Variants in APLP2 observed in about 807,000 individuals in gnomAD.
APLP2 encodes amyloid beta precursor like protein 2.
A neutral mutation model predicts 89.9 loss-of-function variants in APLP2; 53 were observed. That is an observed-to-expected ratio of 0.59 (90% CI 0.47 to 0.74). APLP2 has a LOEUF of 0.74. Ranked by LOEUF, APLP2 falls within the 30% of genes least tolerant of loss-of-function variation. The pLI, the probability that APLP2 is intolerant of heterozygous loss-of-function variation, is 0.00. For synonymous variants in APLP2, 372 were observed against 348.6 expected (o/e 1.07, Z -0.75); for missense variants, 973 against 975.9 (o/e 1.00, Z 0.04).
chr11:130,083,989 G>A (rs1943683168), intron 1 of APLP2, among the ~76,000 whole-genome samples: 2 of 152,200 alleles, frequency 1.3e-5, no homozygotes, highest in Non-Finnish European at 2.9e-5. Flanking sequence ...CCTCACGCCT[G>A]TAATCCCAGC....
chr11:130,133,834 G>A (rs1263301862), intron 12 of APLP2, 106 bp downstream of exon 12: 6 of 822,084 alleles, frequency 7.3e-6, no homozygotes, highest in Middle Eastern at 2.4e-4. Context: ...GGCCGGTGAA[G>A]TGGGGCATTA....
In APLP2 at chr11:130,121,769, G is replaced by T. The variant is rs1347694925; in HGVS notation, c.672G>T (p.Glu224Asp). The part of the protein sequence containing the change: ...KEEEEEDEEE[E>D]EEEDEEEDYD... Reference sequence around the variant, plus strand: ...AGGAAGAGGAAGATGAAGAGGAAGAGGAAGAGGAAGATGAAGAGGAAGACT... The same window carrying T: ...AGGAAGAGGAAGATGAAGAGGAAGATGAAGAGGAAGATGAAGAGGAAGACT... Residue 224 changes from glutamate to aspartate, a missense_variant, in exon 5 of 17, where the codon GAG becomes GAT. Physicochemically the swap from Glu to Asp is conservative, Grantham distance 45 (BLOSUM62 2). Coordinates refer to ENST00000338167, the MANE Select transcript of APLP2 (RefSeq NM_001142276.2). The T allele has an allele frequency of 6.2e-7, 1 of 1,612,854 alleles. No homozygotes were observed. The highest frequency in any genetic ancestry group is 8.5e-7 in the Non-Finnish European group (1 of 1,179,732).
intron 1 of APLP2, among the ~76,000 whole-genome samples, chr11:130,098,135 G>A (rs528707095): frequency 1.3e-5 from 2 of 152,252 alleles, no homozygotes; most frequent in African/African-American, 2.4e-5. Context: ...GGCCGGGCGC[G>A]GTGGCTCACG....
intron 1 of APLP2, among the ~76,000 whole-genome samples, chr11:130,104,261 A>G (rs1355409759): frequency 2.6e-5 from 3 of 117,132 alleles, no homozygotes; most frequent in African/African-American, 1.0e-4. Context: ...TCTGTTGCCC[A>G]GTCTGGAGTG....
At chr11:130,090,874 C>A (rs1393020726) in intron 1 of APLP2, among the ~76,000 whole-genome samples, 2 of 149,650 alleles carry the variant, frequency 1.3e-5, no homozygotes, top group Non-Finnish European at 3.0e-5. Context: ...CCGGACGGGG[C>A]GGTTGGCCGG....
At position 130,129,053 on chromosome 11, in the gene APLP2, C is replaced by T; in HGVS notation, c.1302C>T (p.Phe434=). The T allele has an allele frequency of 6.2e-7, 1 of 1,613,232 alleles. No individual in the cohort carries two copies. The highest frequency in any genetic ancestry group is 2.2e-5 in the East Asian group (1 of 44,878). Residue 434 remains phenylalanine (F), a synonymous_variant, in exon 10 of 17, where the codon TTC becomes TTT. Coordinates refer to ENST00000338167, the MANE Select transcript of APLP2 (RefSeq NM_001142276.2). The part of the protein sequence containing the change: ...KAERQTLIQH[F]QAMVKALEKE... ...TTCCTGCTTTCTTGGTTTAGCACTT[C>T]CAAGCCATGGTTAAAGCTTTAGAGA...
Position 130,123,770 on chromosome 11 carries a change from A to G in APLP2, c.1081A>G (p.Lys361Glu), listed in dbSNP as rs1950087792. 1.2e-6 allele frequency: 2 copies of G among 1,614,084 alleles called. No homozygotes were observed. The highest frequency in any genetic ancestry group is 1.7e-6 in the Non-Finnish European group (2 of 1,180,020). The part of the protein sequence containing the change: ...ESEDYCMAVC[K>E]AMIPPTPLPT... Reference sequence around the variant, plus strand: ...TGAGGATTATTGTATGGCTGTGTGTAAAGCGATGAGTAAGTCCTGCCTCGC... The same window carrying G: ...TGAGGATTATTGTATGGCTGTGTGTGAAGCGATGAGTAAGTCCTGCCTCGC... The change falls in exon 7 of 17, where the codon AAA becomes GAA. Residue 361 changes from lysine to glutamate, a missense_variant. Coordinates refer to ENST00000338167, the MANE Select transcript of APLP2 (RefSeq NM_001142276.2). The surrounding 1 kb of genome is among the most constrained non-coding windows in gnomAD (Gnocchi z 4.0).
intron 1 of APLP2, among the ~76,000 whole-genome samples, chr11:130,098,768 C>T (rs1332257325): frequency 6.6e-6 from 1 of 152,126 alleles, no homozygotes; most frequent in Non-Finnish European, 1.5e-5. Context: ...AAGTATATAT[C>T]ATAGAGTACC....
At chr11:130,134,986 C>A (rs905939870) in intron 12 of APLP2, among the ~76,000 whole-genome samples, 7 of 152,014 alleles carry the variant, frequency 4.6e-5, no homozygotes, top group Admixed American at 1.3e-4. Context: ...AGAGGTCAGG[C>A]AGTAGGTCCA....
rs891956762 is a variant in APLP2, at chr11:130,123,809, G to A, written c.1090+30G>A. Reference sequence around the variant, plus strand: ...GTCCTGCCTCGCGCTGGTCCCGTGCGGCAGCACCGTCCTGTCTGGCGTCCG... The same window carrying A: ...GTCCTGCCTCGCGCTGGTCCCGTGCAGCAGCACCGTCCTGTCTGGCGTCCG... On this transcript the variant is annotated intron_variant, in intron 7 of 16. Transcript: ENST00000338167. This position sits in a 1 kb window ranked among gnomAD's most constrained non-coding sequence, Gnocchi z 4.0. 2.7e-5 allele frequency: 43 copies of A among 1,608,252 alleles called. No individual in the cohort carries two copies. The highest frequency in any genetic ancestry group is 4.5e-5 in the East Asian group (2 of 44,854).
intron 6 of APLP2, 96 bp downstream of exon 6, chr11:130,122,609 G>C: frequency 6.5e-7 from 1 of 1,546,566 alleles, no homozygotes. Context: ...AGTCACAGAA[G>C]GAAAGGTGTG....
In APLP2 at chr11:130,120,830, CG is replaced by C. The variant is rs112755015; in HGVS notation, c.516+18del. 1.3e-6 allele frequency: 2 copies of C among 1,589,490 alleles called. No homozygotes were observed. Among genetic ancestry groups the C allele is most frequent in the Non-Finnish European group, 1.7e-6 (2 of 1,157,974 alleles). ...CGGTAGTCAAAGAGGTAAGAGAACTCGGGGGGAAAGTCAGCTGCTGTTGTAT... is the reference window on the plus strand; with the variant it reads ...CGGTAGTCAAAGAGGTAAGAGAACTCGGGGGAAAGTCAGCTGCTGTTGTAT... On this transcript the variant is annotated intron_variant, in intron 4 of 16. Coordinates refer to ENST00000338167, the MANE Select transcript of APLP2 (RefSeq NM_001142276.2).
chr11:130,098,845 A>C (rs1192523767), intron 1 of APLP2, among the ~76,000 whole-genome samples: 1 of 152,236 alleles, frequency 6.6e-6, no homozygotes, highest in Non-Finnish European at 1.5e-5. Flanking sequence ...TATTCTACAG[A>C]AAACCCTTCA....
intron 3 of APLP2, among the ~76,000 whole-genome samples, chr11:130,112,810 A>G (rs954358601): frequency 1.3e-5 from 2 of 152,148 alleles, no homozygotes; most frequent in East Asian, 1.9e-4. Flanking sequence ...CGTGGCTTCA[A>G]AACTCCATGA....
intron 1 of APLP2, chr11:130,100,511 C>T (rs373420734): frequency 6.6e-6 from 1 of 152,060 alleles, no homozygotes; most frequent in African/African-American, 2.4e-5. Flanking sequence ...TCCCTTAGCT[C>T]TCATGTCAGA....
At chr11:130,072,474 C>CTTTTTT (rs562054930) in intron 1 of APLP2, among the ~76,000 whole-genome samples, 24 of 110,296 alleles carry the variant, frequency 2.2e-4, no homozygotes, top group South Asian at 1.8e-3. Flanking sequence ...GGAATATCGT[C>CTTTTTT]TTTTTTTTTT....
At chr11:130,139,759 C>G (rs1443109042) in intron 13 of APLP2, 2 of 152,296 alleles carry the variant, frequency 1.3e-5, no homozygotes, top group East Asian at 3.9e-4. Flanking sequence ...TCCTGTTTAT[C>G]TTCTAATAGC....
chr11:130,123,765 T>C lies in APLP2; in HGVS notation c.1076T>C (p.Val359Ala), dbSNP rs1356339647. ...NFESEDYCMAVCKAMIPPTPL... is the reference protein window; with the variant it reads ...NFESEDYCMAACKAMIPPTPL... ...GAGTCTGAGGATTATTGTATGGCTGTGTGTAAAGCGATGAGTAAGTCCTGC... is the reference window on the plus strand; with the variant it reads ...GAGTCTGAGGATTATTGTATGGCTGCGTGTAAAGCGATGAGTAAGTCCTGC... The change falls in exon 7 of 17, where the codon GTG (valine) becomes GCG (alanine). Residue 359 changes from valine (V) to alanine (A), a missense_variant. Coordinates refer to ENST00000338167, the MANE Select transcript of APLP2 (RefSeq NM_001142276.2). The surrounding 1 kb of genome is among the most constrained non-coding windows in gnomAD (Gnocchi z 4.0). The C allele has an allele frequency of 5.0e-6, 8 of 1,614,210 alleles. No individual in the cohort carries two copies. The highest frequency in any genetic ancestry group is 6.8e-6 in the Non-Finnish European group (8 of 1,180,016).
At position 130,069,936 on chromosome 11, in the gene APLP2, G is replaced by GT. The variant is rs778516466; in HGVS notation, c.-41dup. Reference sequence around the variant, plus strand: ...GGTGTGCTAAGCGAGGAGTCCGAGTGTGTGAGCTTGAGAGCCGCGCGCTAG... The same window carrying GT: ...GGTGTGCTAAGCGAGGAGTCCGAGTGTTGTGAGCTTGAGAGCCGCGCGCTAG... On this transcript the variant is annotated 5_prime_UTR_variant, in exon 1 of 17. The change abolishes the stop of an existing upstream ORF in the 5' untranslated region. Transcript: ENST00000338167. The GT allele has an allele frequency of 2.1e-6, 3 of 1,419,716 alleles. No homozygotes were observed. Among genetic ancestry groups the GT allele is most frequent in the East Asian group, 5.8e-5 (2 of 34,696 alleles). The allele number at this position is 1,419,716 out of a possible 1,614,324, so 87.9% of individuals were successfully genotyped here.
Sources: gnomAD v4.1 joint callset for allele counts (sites outside exome capture counted in the v4.1 genomes callset) on GRCh38, gnomAD v4.1.1 for gene constraint, Gnocchi (gnomAD v3.1) non-coding constraint, MANE v1.5 for transcripts, NCBI Gene and HGNC (gene_info 2026-07-23, HGNC 2026-07-21) for gene names.